NRXN3: variants seen among roughly 807,000 people sequenced by gnomAD.
NRXN3 encodes neurexin 3.
NRXN3 carries 32 observed loss-of-function variants against 137.6 expected under a neutral mutation model. That is an observed-to-expected ratio of 0.23 (90% CI 0.18 to 0.31). NRXN3 has a LOEUF of 0.31. Ranked by LOEUF, NRXN3 falls within the 10% of genes least tolerant of loss-of-function variation. The pLI, the probability that NRXN3 is intolerant of heterozygous loss-of-function variation, is 1.00. For missense variants in NRXN3, 1,574 were observed against 2,062.5 expected (o/e 0.76, Z 4.59); for synonymous variants, 798 against 784.5 (o/e 1.02, Z -0.29).
At position 78,243,418 on chromosome 14, in the gene NRXN3, T is replaced by A; in HGVS notation, c.325T>A (p.Trp109Arg). Residue 109 changes from tryptophan (W) to arginine (R), a missense_variant, in exon 2 of 21, where the codon TGG (tryptophan) becomes AGG (arginine). Transcript: ENST00000335750. This position sits in a 1 kb window ranked among gnomAD's most constrained non-coding sequence, Gnocchi z 4.2. ...LSNKQVNDSS[W>R]HFLMVSRDRL... ...CAACAAGCAGGTGAATGACAGCAGCTGGCACTTCCTCATGGTGAGCCGTGA... is the reference window on the plus strand; with the variant it reads ...CAACAAGCAGGTGAATGACAGCAGCAGGCACTTCCTCATGGTGAGCCGTGA... The A allele has an allele frequency of 6.4e-7, 1 of 1,567,968 alleles. No individual in the cohort carries two copies. The highest frequency in any genetic ancestry group is 8.6e-7 in the Non-Finnish European group (1 of 1,164,360).
At chr14:78,760,456 A>G (rs2098688706) in intron 8 of NRXN3, among the ~76,000 whole-genome samples, 1 of 148,698 alleles carries the variant, frequency 6.7e-6, no homozygotes, top group Non-Finnish European at 1.5e-5. Flanking sequence ...GAATGAATAA[A>G]AATACCCTCT....
At chr14:78,375,109 A>T (rs993202722) in intron 4 of NRXN3, among the ~76,000 whole-genome samples, 1 of 152,196 alleles carries the variant, frequency 6.6e-6, no homozygotes, top group Admixed American at 6.5e-5. Context: ...GGTAGCAAGG[A>T]CTCCAACCTT....
intron 10 of NRXN3, among the ~76,000 whole-genome samples, chr14:78,926,813 TTATATATTA>T (rs1428663976): frequency 1.0e-4 from 5 of 50,172 alleles, no homozygotes; most frequent in Non-Finnish European, 1.3e-4. Flanking sequence ...TTTATATATA[TTATATATTA>T]TATATAATTT....
rs1283208875 is a variant in NRXN3, at chr14:78,614,876, T to C, written c.758-30244T>C. ...TTAGGGCACTATAGTGGTAATAGACTAGCTGGGGGCTCAGCAGCTAGTGGA... is the reference window on the plus strand; with the variant it reads ...TTAGGGCACTATAGTGGTAATAGACCAGCTGGGGGCTCAGCAGCTAGTGGA... On this transcript the variant is annotated intron_variant, in intron 4 of 20. Coordinates refer to ENST00000335750, the MANE Select transcript of NRXN3 (RefSeq NM_001330195.2). The C allele has an allele frequency of 6.7e-6, 3 of 451,024 alleles. No homozygotes were observed. In the Admixed American group the frequency reaches 7.1e-5, roughly 11 times the overall value. 27.9% of individuals were successfully genotyped at this position (451,024 alleles called of 1,614,324 possible).
At chr14:79,098,575 A>G (rs1399088598) in intron 15 of NRXN3, among the ~76,000 whole-genome samples, 1 of 152,104 alleles carries the variant, frequency 6.6e-6, no homozygotes, top group Non-Finnish European at 1.5e-5. Context: ...GCTAATTTAG[A>G]TCCTTTCTCT....
At chr14:79,445,168 C>T (rs912283644) in intron 15 of NRXN3, among the ~76,000 whole-genome samples, 13 of 151,892 alleles carry the variant, frequency 8.6e-5, no homozygotes, top group Admixed American at 5.9e-4. Flanking sequence ...GGTGAAACCC[C>T]GTCTCTACTA....
intron 15 of NRXN3, among the ~76,000 whole-genome samples, chr14:79,038,252 A>G (rs2099619457): frequency 6.6e-6 from 1 of 151,996 alleles, no homozygotes; most frequent in Non-Finnish European, 1.5e-5. Context: ...GTCAACAAGC[A>G]GAGACCGAAA....
intron 15 of NRXN3, among the ~76,000 whole-genome samples, chr14:79,078,242 C>A (rs2046310612): frequency 6.6e-6 from 1 of 152,046 alleles, no homozygotes; most frequent in South Asian, 2.1e-4. Context: ...AAACTTATGA[C>A]CATTCAAGAT....
At chr14:78,461,471 A>T (rs1195154648) in intron 4 of NRXN3, among the ~76,000 whole-genome samples, 2 of 152,104 alleles carry the variant, frequency 1.3e-5, no homozygotes, top group African/African-American at 2.4e-5. Flanking sequence ...TTGGATGAAA[A>T]ATTCTGCTGC....
chr14:78,762,960 C>A (rs2098697476), intron 8 of NRXN3, among the ~76,000 whole-genome samples: 2 of 152,092 alleles, frequency 1.3e-5, no homozygotes. Flanking sequence ...AGTTCTTCAC[C>A]CTGATGGCTG....
At chr14:79,637,726 G>GTTTTTTTTTTTTTTTTTTTT (rs1447669099) in intron 16 of NRXN3, among the ~76,000 whole-genome samples, 9 of 92,978 alleles carry the variant, frequency 9.7e-5, no homozygotes, top group African/African-American at 1.7e-4. Flanking sequence ...ATATAGAAAA[G>GTTTTTTTTTTTTTTTTTTTT]TTCTTTTTTT....
intron 4 of NRXN3, among the ~76,000 whole-genome samples, chr14:78,428,978 A>T (rs1267503797): frequency 1.3e-5 from 2 of 152,192 alleles, no homozygotes; most frequent in African/African-American, 4.8e-5. Flanking sequence ...AAAATTAATC[A>T]TTTTAATCAT....
intron 8 of NRXN3, among the ~76,000 whole-genome samples, chr14:78,728,174 G>C (rs771127525): frequency 3.3e-5 from 5 of 152,224 alleles, no homozygotes; most frequent in African/African-American, 7.2e-5. Context: ...TTGTAGCTGA[G>C]AGTAAGATGC....
At chr14:79,332,633 C>G (rs767496375) in intron 15 of NRXN3, among the ~76,000 whole-genome samples, 1 of 152,160 alleles carries the variant, frequency 6.6e-6, no homozygotes, top group Non-Finnish European at 1.5e-5. Flanking sequence ...CGGACTCAAA[C>G]ATTTCTTCTT....
chr14:78,464,061 T>C (rs1225610032), intron 4 of NRXN3, among the ~76,000 whole-genome samples: 1 of 150,952 alleles, frequency 6.6e-6, no homozygotes, highest in East Asian at 1.9e-4. Flanking sequence ...AATTAATTTT[T>C]TTTTTTTTTG....
chr14:78,413,800 T>TA lies in NRXN3; in HGVS notation c.757+115940_757+115941insA, dbSNP rs76511684. 3.8e-4 allele frequency among the ~76,000 whole-genome samples: 3 copies of TA among 7,864 alleles called. No homozygotes were observed. The Non-Finnish European group carries it at 0.017, about 44-fold the overall frequency. 5.2% of individuals were successfully genotyped at this position (7,864 alleles called of 152,430 possible). ...GGGGCACCAAAAACATCCACTATAG[T>TA]GTTTGAGGTCAGTGGCCCATCTGAT... is the stretch of plus-strand genomic sequence containing the variant. On this transcript the variant is annotated intron_variant, in intron 4 of 20. Transcript: ENST00000335750.
chr14:78,633,688 C>T (rs1022759869), intron 4 of NRXN3, among the ~76,000 whole-genome samples: 3 of 152,216 alleles, frequency 2.0e-5, no homozygotes, highest in Admixed American at 6.5e-5. Flanking sequence ...CTAGGATTTG[C>T]ACCTCCGCAT....
At chr14:79,737,483 A>G (rs1046163154) in intron 19 of NRXN3, among the ~76,000 whole-genome samples, 4 of 152,248 alleles carry the variant, frequency 2.6e-5, no homozygotes, top group Non-Finnish European at 5.9e-5. Flanking sequence ...AATTACTATT[A>G]ACAACTATTA....
At chr14:78,739,133 A>C (rs996768014) in intron 8 of NRXN3, among the ~76,000 whole-genome samples, 1 of 152,216 alleles carries the variant, frequency 6.6e-6, no homozygotes, top group African/African-American at 2.4e-5. Flanking sequence ...GGATTAACAC[A>C]GTAGATGCTG....
Sources: allele counts gnomAD v4.1 joint callset (sites outside exome capture counted in the v4.1 genomes callset), GRCh38; gene constraint gnomAD v4.1.1; non-coding constraint Gnocchi (gnomAD v3.1); transcripts MANE v1.5; gene names NCBI Gene and HGNC (gene_info 2026-07-23, HGNC 2026-07-21).